Variants in NIPA1 observed in about 807,000 individuals in gnomAD.
The protein encoded by NIPA1 is magnesium transporter NIPA1.
Under a neutral mutation model 23.9 loss-of-function variants are expected in NIPA1, and 13 were observed. The ratio of observed to expected loss-of-function variants is 0.54; its 90% CI spans 0.35 to 0.87. NIPA1 has a LOEUF of 0.87. NIPA1 is among the 40% of genes least tolerant of loss of function. NIPA1 has a pLI of 0.01. For missense variants in NIPA1, 362 were observed against 429.7 expected, an observed-to-expected ratio of 0.84 and a Z score of 1.39; for synonymous variants, 234 against 202.9, an observed-to-expected ratio of 1.15 and a Z score of -1.30.
At chr15:22,807,806 TGGA>T (rs1895241135) in intron 1 of NIPA1, among the ~76,000 whole-genome samples, 1 of 93,374 alleles carries the variant, frequency 1.1e-5, no homozygotes, top group Non-Finnish European at 1.9e-5. Context: ...GTGTGTGTGA[TGGA>T]GTCTCTCTCT....
chr15:22,822,565 AC>A (rs1202497799), intron 4 of NIPA1, among the ~76,000 whole-genome samples: 1 of 152,316 alleles, frequency 6.6e-6, no homozygotes, highest in Admixed American at 6.5e-5. Flanking sequence ...ACAGTGGCTC[AC>A]GCCTGTAATC....
chr15:22,820,888 A>G (rs1895524323), intron 4 of NIPA1, among the ~76,000 whole-genome samples: 1 of 152,028 alleles, frequency 6.6e-6, no homozygotes, highest in African/African-American at 2.4e-5. Flanking sequence ...TCCAGCGTGA[A>G]GCTCTGTGAG....
intron 3 of NIPA1, 109 bp from the exon 4 acceptor site, chr15:22,820,204 G>GA: frequency 2.4e-6 from 2 of 826,574 alleles, no homozygotes; most frequent in Non-Finnish European, 4.0e-6. Context: ...CTCTTAAAGG[G>GA]AAAAAAAGAA....
chr15:22,811,844 C>T (rs1313958152), intron 2 of NIPA1, among the ~76,000 whole-genome samples: 1 of 152,172 alleles, frequency 6.6e-6, no homozygotes, highest in Non-Finnish European at 1.5e-5. Context: ...ACAGGAAGTT[C>T]TGCCTGATTT....
chr15:22,786,955 T>C (rs1348939489), intron 1 of NIPA1, 121 bp downstream of exon 1: 45 of 544,234 alleles, frequency 8.3e-5, no homozygotes, highest in Admixed American at 3.4e-4. Context: ...CGGGCCCAGG[T>C]TGGGGGAAGG....
intron 1 of NIPA1, among the ~76,000 whole-genome samples, chr15:22,787,227 C>G (rs982028901): frequency 6.6e-6 from 1 of 152,138 alleles, no homozygotes; most frequent in African/African-American, 2.4e-5. Flanking sequence ...CCGGGAGCCT[C>G]CTGCGGACGC....
At chr15:22,814,201 A>G in intron 3 of NIPA1, 1 of 809,014 alleles carries the variant, frequency 1.2e-6, no homozygotes, top group East Asian at 6.6e-5. Context: ...TAATTTGGAA[A>G]AAAACAATCA....
chr15:22,810,653 G>A (rs1043898495), intron 1 of NIPA1, 96 bp from the exon 2 acceptor site: 4 of 772,970 alleles, frequency 5.2e-6, no homozygotes, highest in Admixed American at 1.8e-5. Context: ...TTCAATTTTA[G>A]TTTTCATGTC....
chr15:22,807,176 T>C (rs1895226627), intron 1 of NIPA1, among the ~76,000 whole-genome samples: 1 of 152,254 alleles, frequency 6.6e-6, no homozygotes, highest in South Asian at 2.1e-4. Context: ...TTGCCATTCC[T>C]GTGTACCTGG....
At chr15:22,809,163 G>T (rs1026905642) in intron 1 of NIPA1, among the ~76,000 whole-genome samples, 7 of 152,040 alleles carry the variant, frequency 4.6e-5, no homozygotes, top group Admixed American at 2.6e-4. Context: ...GAGGTGGGTG[G>T]ATCACTTGGA....
In NIPA1 at chr15:22,829,165, CA is replaced by C. The variant is rs1303357593; in HGVS notation, c.*4927del. ...ACTTCAGAAAGCCGCACAGAAAGAT[CA>C]CCTTCCGATGGTGTGATGTGCTCCT... On this transcript the variant is annotated 3_prime_UTR_variant, in exon 5 of 5. Coordinates refer to ENST00000337435, the MANE Select transcript of NIPA1 (RefSeq NM_144599.5). 1.3e-5 allele frequency: 2 copies of C among 152,174 alleles called. No individual in the cohort carries two copies. The highest frequency in any genetic ancestry group is 2.9e-5 in the Non-Finnish European group (2 of 68,026). 9.4% of individuals were successfully genotyped at this position (152,174 alleles called of 1,614,324 possible).
chr15:22,795,263 A>G (rs968388917), intron 1 of NIPA1, among the ~76,000 whole-genome samples: 1 of 151,942 alleles, frequency 6.6e-6, no homozygotes, highest in African/African-American at 2.4e-5. Flanking sequence ...GGTTTCCTTA[A>G]TGCTGTTTCC....
intron 1 of NIPA1, 124 bp downstream of exon 1, chr15:22,786,958 G>T: frequency 1.9e-6 from 1 of 529,154 alleles, no homozygotes; most frequent in South Asian, 7.9e-5. Flanking sequence ...GCCCAGGTTG[G>T]GGGAAGGCTG....
intron 3 of NIPA1, among the ~76,000 whole-genome samples, chr15:22,815,085 G>C (rs776998196): frequency 3.3e-5 from 5 of 152,040 alleles, no homozygotes; most frequent in Non-Finnish European, 7.4e-5. Context: ...ATATGAATAT[G>C]ATGTGATTTT....
At chr15:22,795,974 C>G (rs894613429) in intron 1 of NIPA1, among the ~76,000 whole-genome samples, 3 of 152,054 alleles carry the variant, frequency 2.0e-5, no homozygotes, top group African/African-American at 7.2e-5. Flanking sequence ...TTCCGTCGCC[C>G]AGGCTGGAGT....
Position 22,786,854 on chromosome 15 carries a change from G to A in NIPA1, c.178+20G>A. ...GGCGAGGTAGGGCGGGCGGCAGGCG[G>A]CAGGCGGCGGGCGGGTGGGGGAGGC... On this transcript the variant is annotated intron_variant, in intron 1 of 4. Transcript: ENST00000337435. The A allele has an allele frequency of 9.4e-7, 1 of 1,066,218 alleles. No homozygotes were observed. Among genetic ancestry groups the A allele is most frequent in the Admixed American group, 3.2e-5 (1 of 31,698 alleles). The allele number at this position is 1,066,218 out of a possible 1,614,324, so 66.0% of individuals were successfully genotyped here. A position where few individuals can be genotyped will look rare whatever the true frequency, so the allele number is the denominator to read the frequency against.
chr15:22,820,385 T>C lies in NIPA1; in HGVS notation c.390T>C (p.Cys130=). Residue 130 remains cysteine (C), a synonymous_variant, in exon 4 of 5, where the codon TGT becomes TGC. Coordinates refer to ENST00000337435, the MANE Select transcript of NIPA1 (RefSeq NM_144599.5). Reference sequence around the variant, plus strand: ...GCAAGTTGGGGTGCCTGCTAAGCTGTGCAGGCTCCGTCGTGCTGATTATCC... The same window carrying C: ...GCAAGTTGGGGTGCCTGCTAAGCTGCGCAGGCTCCGTCGTGCTGATTATCC... ...ILGKLGCLLS[C]AGSVVLIIHS... 6.2e-7 allele frequency: 1 copy of C among 1,608,370 alleles called. No individual in the cohort carries two copies. The highest frequency in any genetic ancestry group is 8.5e-7 in the Non-Finnish European group (1 of 1,174,634).
At chr15:22,802,577 G>C (rs11263686) in intron 1 of NIPA1, among the ~76,000 whole-genome samples, 2 of 151,448 alleles carry the variant, frequency 1.3e-5, no homozygotes, top group Non-Finnish European at 2.9e-5. Context: ...GGGTATAATT[G>C]CATAGAATAA....
Position 22,824,205 on chromosome 15 carries a change from G to A in NIPA1, c.956G>A (p.Gly319Glu), listed in dbSNP as rs1895604617. The change falls in exon 5 of 5, where the codon GGG (glycine) becomes GAG (glutamate). Residue 319 changes from glycine to glutamate, a missense_variant. By Grantham distance (98) the Gly-to-Glu change is moderately conservative. This residue lies in a region of NIPA1 where 277 missense variants were observed against 372.0 expected (regional missense o/e 0.74). Coordinates refer to ENST00000337435, the MANE Select transcript of NIPA1 (RefSeq NM_144599.5). The surrounding 1 kb of genome is among the most constrained non-coding windows in gnomAD (Gnocchi z 4.1). The stretch of plus-strand genomic sequence containing the variant: ...TTCAAAGAGTTCAATTTCAACCTTG[G>A]GGAGATGAACAAATCTAATATGAAA... ...QVFKEFNFNL[G>E]EMNKSNMKTD is the part of the protein sequence containing the mutation. 1 of 1,613,492 alleles carries A rather than the reference G, an allele frequency of 6.2e-7. No individual in the cohort carries two copies. Among genetic ancestry groups the A allele is most frequent in the East Asian group, 2.2e-5 (1 of 44,888 alleles).
Sources: allele counts gnomAD v4.1 joint callset (sites outside exome capture counted in the v4.1 genomes callset), GRCh38; gene constraint gnomAD v4.1.1; regional missense constraint gnomAD v4.1.1; non-coding constraint Gnocchi (gnomAD v3.1); transcripts MANE v1.5; gene names NCBI Gene and HGNC (gene_info 2026-07-23, HGNC 2026-07-21).